Variants in THSD4 observed in about 807,000 individuals in gnomAD.
THSD4 encodes the protein thrombospondin type-1 domain-containing protein 4.
In THSD4, 69 loss-of-function variants were observed where a neutral mutation model predicts 119.0. The observed-to-expected ratio is 0.58, with a 90% CI of 0.48 to 0.71. The LOEUF (loss-of-function observed/expected upper bound fraction) is 0.71, where lower values mean the gene tolerates loss of function less well. THSD4 is among the 30% of genes least tolerant of loss of function. The pLI is 0.00. For synonymous variants in THSD4, 524 were observed against 540.4 expected (o/e 0.97, Z 0.42); for missense variants, 1,393 against 1,391.1 (o/e 1.00, Z -0.02).
intron 6 of THSD4, among the ~76,000 whole-genome samples, chr15:71,374,917 C>A (rs1178943290): frequency 6.6e-6 from 1 of 152,122 alleles, no homozygotes; most frequent in Non-Finnish European, 1.5e-5. Flanking sequence ...GTGAGCCTCC[C>A]AGACTAAGAA....
chr15:71,468,586 A>G (rs1029022956), intron 7 of THSD4, among the ~76,000 whole-genome samples: 1 of 152,242 alleles, frequency 6.6e-6, no homozygotes, highest in Non-Finnish European at 1.5e-5. Context: ...GAGAAAAATA[A>G]TATGTAAATA....
intron 7 of THSD4, among the ~76,000 whole-genome samples, chr15:71,475,524 C>T (rs984822420): frequency 1.2e-4 from 19 of 152,224 alleles, no homozygotes; most frequent in East Asian, 9.7e-4. Context: ...TTTAGGAGGT[C>T]TGGGATAGAG....
At chr15:71,377,949 A>G (rs1006691722) in intron 6 of THSD4, among the ~76,000 whole-genome samples, 34 of 143,612 alleles carry the variant, frequency 2.4e-4, no homozygotes, top group African/African-American at 8.4e-4. Context: ...AGCCAACCTG[A>G]AAATAGCAGA....
At chr15:71,515,329 A>G in intron 7 of THSD4, among the ~76,000 whole-genome samples, 1 of 152,202 alleles carries the variant, frequency 6.6e-6, no homozygotes, top group East Asian at 1.9e-4. Context: ...GCTAGTTTGA[A>G]ATGAAAACCA....
intron 10 of THSD4, 167 bp downstream of exon 10, chr15:71,731,384 TTGTC>T (rs1211914144): frequency 4.6e-6 from 3 of 646,492 alleles, no homozygotes; most frequent in Admixed American, 2.7e-5. Context: ...GCTTCACCAT[TTGTC>T]TGAGCCTTCA....
At chr15:71,259,109 G>A (rs1009004016) in intron 6 of THSD4, among the ~76,000 whole-genome samples, 4 of 150,924 alleles carry the variant, frequency 2.7e-5, no homozygotes, top group Admixed American at 6.6e-5. Context: ...GTGCAACTCC[G>A]TCTCAAAAAA....
At chr15:71,684,467 G>T (rs1224832762) in intron 8 of THSD4, among the ~76,000 whole-genome samples, 3 of 151,242 alleles carry the variant, frequency 2.0e-5, no homozygotes, top group Non-Finnish European at 4.4e-5. Context: ...TTGAATATAT[G>T]ATTACATGCT....
chr15:71,395,914 GACACACACACACACACACACACACACAC>G (rs58433075), intron 6 of THSD4, among the ~76,000 whole-genome samples: 1 of 133,296 alleles, frequency 7.5e-6, no homozygotes, highest in Non-Finnish European at 1.6e-5. Flanking sequence ...TTTGAAGAGA[GACACACACACACACACACACACACACAC>G]ACACACACAC....
intron 7 of THSD4, among the ~76,000 whole-genome samples, chr15:71,601,691 G>A (rs1226106124): frequency 6.6e-6 from 1 of 152,198 alleles, no homozygotes; most frequent in Non-Finnish European, 1.5e-5. Context: ...TAGCTGCCCT[G>A]TACAGAGCTA....
intron 8 of THSD4, among the ~76,000 whole-genome samples, chr15:71,697,125 C>G (rs1197946022): frequency 2.0e-5 from 3 of 152,098 alleles, no homozygotes; most frequent in African/African-American, 7.2e-5. Flanking sequence ...CTGTTAAGAG[C>G]CCACAGATAC....
intron 10 of THSD4, among the ~76,000 whole-genome samples, chr15:71,735,648 C>CTCTCTGTCTCTCTCTCGT (rs1491114046): frequency 2.0e-5 from 3 of 151,048 alleles, no homozygotes; most frequent in African/African-American, 7.3e-5. Flanking sequence ...GTCTCTCTTG[C>CTCTCTGTCTCTCTCTCGT]TCTCTGTCTC....
At chr15:71,304,574 G>A (rs994981210) in intron 6 of THSD4, among the ~76,000 whole-genome samples, 4 of 151,824 alleles carry the variant, frequency 2.6e-5, no homozygotes, top group Admixed American at 1.3e-4. Flanking sequence ...TTCCCCAATC[G>A]GAAGATTCGG....
chr15:71,732,469 C>T (rs1158226636), intron 10 of THSD4: 1 of 152,128 alleles, frequency 6.6e-6, no homozygotes, highest in African/African-American at 2.4e-5. Flanking sequence ...TGGAGCCCAC[C>T]ACCCAAATGC....
intron 6 of THSD4, among the ~76,000 whole-genome samples, chr15:71,265,796 G>C (rs1379004513): frequency 6.6e-6 from 1 of 152,158 alleles, no homozygotes; most frequent in Non-Finnish European, 1.5e-5. Flanking sequence ...CATTACTGAG[G>C]CTTGAGTAGT....
chr15:71,702,861 G>A (rs2052319280), intron 8 of THSD4, among the ~76,000 whole-genome samples: 1 of 152,180 alleles, frequency 6.6e-6, no homozygotes, highest in South Asian at 2.1e-4. Flanking sequence ...AGGAGGCAGA[G>A]TCCGTGCCTC....
chr15:71,614,264 C>A (rs148664843), intron 7 of THSD4, among the ~76,000 whole-genome samples: 90 of 152,316 alleles, frequency 5.9e-4, no homozygotes, highest in African/African-American at 2.1e-3. Flanking sequence ...ATTCTGTATC[C>A]ATTCCAGCCT....
At chr15:71,523,397 GAC>G (rs1203616267) in intron 7 of THSD4, among the ~76,000 whole-genome samples, 1 of 152,114 alleles carries the variant, frequency 6.6e-6, no homozygotes, top group Non-Finnish European at 1.5e-5. Context: ...TCTCCATAAG[GAC>G]ACATGCCATT....
chr15:71,456,833 C>G (rs1035809573), intron 7 of THSD4, among the ~76,000 whole-genome samples: 3 of 152,202 alleles, frequency 2.0e-5, no homozygotes, highest in Non-Finnish European at 4.4e-5. Context: ...GCATTCCCTT[C>G]TTTAACAAAC....
chr15:71,592,339 G>C (rs2049823193), intron 7 of THSD4, among the ~76,000 whole-genome samples: 1 of 152,218 alleles, frequency 6.6e-6, no homozygotes. Flanking sequence ...CGCAGTGGCA[G>C]GGAGAAGGCT....
Sources: gnomAD v4.1 joint callset for allele counts (sites outside exome capture counted in the v4.1 genomes callset) on GRCh38, gnomAD v4.1.1 for gene constraint, MANE v1.5 for transcripts, NCBI Gene and HGNC (gene_info 2026-07-23, HGNC 2026-07-21) for gene names.